The following CXXC4 variants were observed in gnomAD, a reference collection of about 807,000 sequenced individuals.
CXXC4 encodes the protein CXXC finger protein 4, also known as CXXC-type zinc finger protein 4.
In CXXC4, 5 loss-of-function variants were observed where a neutral mutation model predicts 20.5. The ratio of observed to expected loss-of-function variants is 0.24; its 90% CI spans 0.13 to 0.51. The LOEUF (loss-of-function observed/expected upper bound fraction) is 0.51, where lower values mean the gene tolerates loss of function less well. Ranked by LOEUF, CXXC4 falls within the 20% of genes least tolerant of loss-of-function variation. The pLI is 0.97. For synonymous variants in CXXC4, 250 were observed against 216.4 expected (o/e 1.16, Z -1.36); for missense variants, 419 against 496.4 (o/e 0.84, Z 1.48).
intron 2 of CXXC4, among the ~76,000 whole-genome samples, chr4:104,475,899 G>A (rs1736391044): frequency 6.6e-6 from 1 of 152,112 alleles, no homozygotes; most frequent in Non-Finnish European, 1.5e-5. Flanking sequence ...AGCCTTCACT[G>A]TTCATGCAGG....
At chr4:104,477,498 T>G (rs769427250) in intron 2 of CXXC4, among the ~76,000 whole-genome samples, 23 of 152,000 alleles carry the variant, frequency 1.5e-4, no homozygotes, top group Non-Finnish European at 2.4e-4. Context: ...TGATATAAAA[T>G]AATACCTAGC....
intron 2 of CXXC4, among the ~76,000 whole-genome samples, chr4:104,486,164 T>C (rs1736688230): frequency 6.6e-6 from 1 of 152,124 alleles, no homozygotes; most frequent in Admixed American, 6.6e-5. Context: ...ATTTACATGA[T>C]GGTTGGATGG....
intron 1 of CXXC4, 64 bp from the exon 2 acceptor site, chr4:104,492,123 C>A: frequency 5.2e-6 from 1 of 193,442 alleles, no homozygotes; most frequent in Non-Finnish European, 1.0e-5. Flanking sequence ...AAACAACCTC[C>A]CTCACTAACC....
intron 1 of CXXC4, among the ~76,000 whole-genome samples, chr4:104,493,899 T>C (rs1241355026): frequency 6.6e-6 from 1 of 152,176 alleles, no homozygotes; most frequent in African/African-American, 2.4e-5. Flanking sequence ...TATCATCACA[T>C]TGAGTGGAGG....
At chr4:104,479,599 C>T (rs1736502785) in intron 2 of CXXC4, among the ~76,000 whole-genome samples, 1 of 152,130 alleles carries the variant, frequency 6.6e-6, no homozygotes, top group Non-Finnish European at 1.5e-5. Flanking sequence ...TGTTTATGAA[C>T]TACTGAGAGG....
At chr4:104,477,841 T>C (rs1048763307) in intron 2 of CXXC4, among the ~76,000 whole-genome samples, 1 of 152,152 alleles carries the variant, frequency 6.6e-6, no homozygotes, top group African/African-American at 2.4e-5. Flanking sequence ...CTGTAATGTA[T>C]AGCAGATTAA....
chr4:104,490,529 ACT>A (rs34737316), intron 2 of CXXC4, among the ~76,000 whole-genome samples: 1 of 152,108 alleles, frequency 6.6e-6, no homozygotes, highest in Non-Finnish European at 1.5e-5. Flanking sequence ...AAAGGAGGGC[ACT>A]CTCTCTATCA....
At chr4:104,487,716 G>C (rs1188028100) in intron 2 of CXXC4, among the ~76,000 whole-genome samples, 1 of 152,102 alleles carries the variant, frequency 6.6e-6, no homozygotes, top group African/African-American at 2.4e-5. Context: ...CAGAGTAATT[G>C]ACTTAATGAA....
At chr4:104,485,348 T>G (rs1736659298) in intron 2 of CXXC4, among the ~76,000 whole-genome samples, 1 of 152,106 alleles carries the variant, frequency 6.6e-6, no homozygotes, top group Admixed American at 6.5e-5. Context: ...ACTTATGACT[T>G]TAACTAGATA....
chr4:104,472,404 T>C, intron 2 of CXXC4, 38 bp from the exon 3 acceptor site: 1 of 1,491,174 alleles, frequency 6.7e-7, no homozygotes, highest in South Asian at 1.2e-5. Flanking sequence ...TAAGCTTTCT[T>C]TCTATGCCAA....
At chr4:104,482,341 A>G (rs963816172) in intron 2 of CXXC4, among the ~76,000 whole-genome samples, 10 of 152,182 alleles carry the variant, frequency 6.6e-5, no homozygotes, top group African/African-American at 2.4e-4. Context: ...CTCTACATAT[A>G]GCAGCATTAC....
chr4:104,492,554 A>G (rs1736921331), intron 1 of CXXC4, among the ~76,000 whole-genome samples: 1 of 152,220 alleles, frequency 6.6e-6, no homozygotes, highest in Admixed American at 6.5e-5. Flanking sequence ...TGAAGTACTG[A>G]AAAAGTCTAC....
chr4:104,473,042 A>T (rs2110269436), intron 2 of CXXC4, among the ~76,000 whole-genome samples: 1 of 151,962 alleles, frequency 6.6e-6, no homozygotes, highest in South Asian at 2.1e-4. Context: ...TCACTGTTTT[A>T]TGTATAGAAA....
chr4:104,490,975 A>G lies in CXXC4; in HGVS notation c.828T>C (p.Asn276=). 6.2e-7 allele frequency: 1 copy of G among 1,613,912 alleles called. No individual in the cohort carries two copies. The highest frequency in any genetic ancestry group is 8.5e-7 in the Non-Finnish European group (1 of 1,179,980). The change falls in exon 2 of 3, where the codon AAT becomes AAC. Residue 276 remains asparagine (N), a synonymous_variant. Transcript: ENST00000394767. ...AVTDSAFQIA[N]LADCPQNHSS... ...AATGATTCTGCGGGCAGTCTGCCAGATTGGCAATTTGAAACGCACTGTCTG... is the reference window on the plus strand; with the variant it reads ...AATGATTCTGCGGGCAGTCTGCCAGGTTGGCAATTTGAAACGCACTGTCTG...
At position 104,470,962 on chromosome 4, in the gene CXXC4, G is replaced by A. The variant is rs532509529; in HGVS notation, c.*1360C>T. On this transcript the variant is annotated 3_prime_UTR_variant, in exon 3 of 3. Coordinates refer to ENST00000394767, the MANE Select transcript of CXXC4 (RefSeq NM_025212.4). ...ATTAGATCCTTTGTGTGTAGGTTGT[G>A]GGGGGAGGGGTATGTCATGCATTTA... The A allele has an allele frequency of 6.6e-6, 1 of 152,096 alleles. No individual in the cohort carries two copies. Among genetic ancestry groups the A allele is most frequent in the South Asian group, 2.1e-4 (1 of 4,816 alleles). 9.4% of individuals were successfully genotyped at this position (152,096 alleles called of 1,614,324 possible).
At chr4:104,474,280 C>T (rs981744086) in intron 2 of CXXC4, among the ~76,000 whole-genome samples, 1 of 151,932 alleles carries the variant, frequency 6.6e-6, no homozygotes, top group African/African-American at 2.4e-5. Flanking sequence ...CTATGCATAC[C>T]TGAATCTCTA....
At chr4:104,488,453 A>G (rs1185085660) in intron 2 of CXXC4, among the ~76,000 whole-genome samples, 1 of 152,220 alleles carries the variant, frequency 6.6e-6, no homozygotes, top group Non-Finnish European at 1.5e-5. Flanking sequence ...ATAGGATCTT[A>G]TACAATTTTG....
Position 104,492,078 on chromosome 4 carries a change from T to G in CXXC4, c.-257-19A>C. On this transcript the variant is annotated intron_variant, in intron 1 of 2. Coordinates refer to ENST00000394767, the MANE Select transcript of CXXC4 (RefSeq NM_025212.4). ...GTTACAACTAAAATAAAGAAAGTCA[T>G]TCCAACGAGCTGCACGAGGAAAAAG... 5 of 289,512 alleles carry G rather than the reference T, an allele frequency of 1.7e-5. No homozygotes were observed. The highest frequency in any genetic ancestry group is 6.1e-5 in the East Asian group (1 of 16,440). The allele number at this position is 289,512 out of a possible 1,614,324, so 17.9% of individuals were successfully genotyped here. A position where few individuals can be genotyped will look rare whatever the true frequency, so the allele number is the denominator to read the frequency against.
In CXXC4 at chr4:104,491,419, G is replaced by T; in HGVS notation, c.384C>A (p.Gly128=). 9.2e-7 allele frequency: 1 copy of T among 1,081,616 alleles called. No homozygotes were observed. The highest frequency in any genetic ancestry group is 3.5e-5 in the East Asian group (1 of 28,922). 67.0% of individuals were successfully genotyped at this position (1,081,616 alleles called of 1,614,324 possible). ...ATTTCCTGCCGCCCCCACCACCCCC[G>T]CCCCCGCCTCCGCCGCCGCCGCCGC... ...GGGGGGGGGG[G]GGGGGGRKSS... is the part of the protein sequence containing the mutation. Residue 128 remains glycine, a synonymous_variant, in exon 2 of 3, where the codon GGC becomes GGA. Transcript: ENST00000394767.
Sources: gnomAD v4.1 joint callset for allele counts (sites outside exome capture counted in the v4.1 genomes callset) on GRCh38, gnomAD v4.1.1 for gene constraint, MANE v1.5 for transcripts, NCBI Gene and HGNC (gene_info 2026-07-23, HGNC 2026-07-21) for gene names.